MEF2C: variants seen among roughly 807,000 people sequenced by gnomAD.
MEF2C encodes the protein myocyte-specific enhancer factor 2C.
Under a neutral mutation model 50.5 loss-of-function variants are expected in MEF2C, and 6 were observed. The ratio of observed to expected loss-of-function variants is 0.12; its 90% CI spans 0.07 to 0.23. The LOEUF is 0.23. MEF2C is among the 10% of genes least tolerant of loss of function. MEF2C has a pLI of 1.00. For synonymous variants in MEF2C, 183 were observed against 228.0 expected (o/e 0.80, Z 1.78); for missense variants, 276 against 605.0 (o/e 0.46, Z 5.70).
At chr5:88,782,184 C>T in intron 3 of MEF2C, 1 of 981,774 alleles carries the variant, frequency 1.0e-6, no homozygotes, top group Non-Finnish European at 1.2e-6. Flanking sequence ...AATAAACCTC[C>T]TAGGCCAGGC....
intron 1 of MEF2C, among the ~76,000 whole-genome samples, chr5:88,845,310 C>A (rs1227319943): frequency 6.6e-6 from 1 of 152,144 alleles, no homozygotes; most frequent in African/African-American, 2.4e-5. Context: ...TAAATGGATC[C>A]ACATTATGGA....
At chr5:88,834,639 T>G (rs1035863110) in intron 1 of MEF2C, among the ~76,000 whole-genome samples, 1 of 152,136 alleles carries the variant, frequency 6.6e-6, no homozygotes, top group Non-Finnish European at 1.5e-5. Flanking sequence ...GGCTATCTAT[T>G]GGGCTGATTT....
chr5:88,815,306 A>G (rs2153166861), intron 2 of MEF2C, among the ~76,000 whole-genome samples: 1 of 152,106 alleles, frequency 6.6e-6, no homozygotes, highest in African/African-American at 2.4e-5. Context: ...TCCTTTCCAC[A>G]ATAGCCTAGG....
rs1358389779 is a variant in MEF2C at position 88,796,579 on chromosome 5, T to C, written c.258+8019A>G. ...CTATTTTGTTAATCTTTTCAAAAAA[T>C]CAGCTCCTAGATTCACTGATTTTTT... On this transcript the variant is annotated intron_variant, in intron 3 of 10. Transcript: ENST00000504921. Among the ~76,000 whole-genome samples the C allele has an allele frequency of 6.6e-5, 10 of 152,258 alleles. No homozygotes were observed. The East Asian group carries it at 1.9e-3, about 29-fold the overall frequency.
intron 1 of MEF2C, chr5:88,844,549 G>T: frequency 4.8e-6 from 2 of 418,338 alleles, no homozygotes; most frequent in Non-Finnish European, 6.4e-6. Context: ...GTTTCTGCTT[G>T]GTTTTTTGTT....
intron 1 of MEF2C, among the ~76,000 whole-genome samples, chr5:88,864,244 T>C (rs1181249391): frequency 6.6e-6 from 1 of 151,858 alleles, no homozygotes; most frequent in Non-Finnish European, 1.5e-5. Flanking sequence ...GTTATGTTAA[T>C]TAGCCTTATT....
At chr5:88,782,229 A>G in intron 3 of MEF2C, 1 of 873,534 alleles carries the variant, frequency 1.1e-6, no homozygotes, top group South Asian at 5.3e-5. Flanking sequence ...AGCACTTGAG[A>G]GGCTGAGGTG....
intron 3 of MEF2C, among the ~76,000 whole-genome samples, chr5:88,787,823 A>G (rs768282227): frequency 5.3e-5 from 8 of 152,200 alleles, no homozygotes; most frequent in Non-Finnish European, 8.8e-5. Flanking sequence ...AAAAGTTCAC[A>G]AGGGACCTAG....
At chr5:88,874,956 T>C (rs1018287065) in intron 1 of MEF2C, among the ~76,000 whole-genome samples, 1 of 151,988 alleles carries the variant, frequency 6.6e-6, no homozygotes, top group Non-Finnish European at 1.5e-5. Flanking sequence ...GTGCTGGCAA[T>C]AATCTGATTG....
intron 1 of MEF2C, among the ~76,000 whole-genome samples, chr5:88,876,832 T>C (rs1474623561): frequency 6.6e-6 from 1 of 151,960 alleles, no homozygotes; most frequent in African/African-American, 2.4e-5. Context: ...ATCCATAGTA[T>C]CTGAGAGCAA....
chr5:88,759,665 G>A (rs1008555527), intron 4 of MEF2C, among the ~76,000 whole-genome samples: 2 of 112,046 alleles, frequency 1.8e-5, no homozygotes, highest in East Asian at 3.0e-4. Flanking sequence ...ATGAATGTGT[G>A]CATATAATAG....
chr5:88,746,891 T>C (rs902140229), intron 6 of MEF2C, among the ~76,000 whole-genome samples: 2 of 152,206 alleles, frequency 1.3e-5, no homozygotes, highest in African/African-American at 4.8e-5. Flanking sequence ...CACAGCTATA[T>C]AGAAACTGTG....
chr5:88,724,764 T>C (rs978094200), intron 10 of MEF2C, among the ~76,000 whole-genome samples: 4 of 152,148 alleles, frequency 2.6e-5, no homozygotes, highest in Admixed American at 6.5e-5. Flanking sequence ...CAAAGTTACT[T>C]AGTGATTCAT....
rs57929414 is a variant in MEF2C at position 88,785,279 on chromosome 5, TACACACACACAC to T, written c.258+19307_258+19318del. On this transcript the variant is annotated intron_variant, in intron 3 of 10. Coordinates refer to ENST00000504921, the MANE Select transcript of MEF2C (RefSeq NM_002397.5). ...AAGCATTCCCATTGCAAAACTGGCA[TACACACACACAC>T]ACACACACACACACACACACACACA... The T allele has an allele frequency of 3.4e-3, 494 of 143,932 alleles. 3 individuals are homozygous for T. Among genetic ancestry groups the T allele is most frequent in the Middle Eastern group, 0.01 (3 of 288 alleles). 8.9% of individuals were successfully genotyped at this position (143,932 alleles called of 1,614,324 possible).
intron 1 of MEF2C, chr5:88,838,744 T>C: frequency 1.0e-6 from 1 of 984,112 alleles, no homozygotes; most frequent in Non-Finnish European, 1.2e-6. Context: ...TCCTTCTCGT[T>C]ATGCTCTTTC....
intron 3 of MEF2C, among the ~76,000 whole-genome samples, chr5:88,802,286 A>C (rs1211277915): frequency 6.6e-6 from 1 of 152,368 alleles, no homozygotes; most frequent in East Asian, 1.9e-4. Flanking sequence ...AGAGGTACCC[A>C]ACTCACCACA....
chr5:88,743,856 A>C, intron 6 of MEF2C: 1 of 973,398 alleles, frequency 1.0e-6, no homozygotes, highest in African/African-American at 1.7e-5. Flanking sequence ...AAAATAAGAA[A>C]ACAGATGTTA....
intron 2 of MEF2C, among the ~76,000 whole-genome samples, chr5:88,816,509 A>G (rs1163878780): frequency 2.1e-5 from 3 of 142,690 alleles, no homozygotes; most frequent in Non-Finnish European, 4.5e-5. Flanking sequence ...AACTCTTACA[A>G]GTATTATTTA....
intron 4 of MEF2C, among the ~76,000 whole-genome samples, chr5:88,755,346 G>A (rs538145615): frequency 6.6e-6 from 1 of 152,160 alleles, no homozygotes; most frequent in South Asian, 2.1e-4. Context: ...TTTCAAATTG[G>A]TAAGTTAAGT....
Sources: gnomAD v4.1 joint callset for allele counts (sites outside exome capture counted in the v4.1 genomes callset) on GRCh38, gnomAD v4.1.1 for gene constraint, MANE v1.5 for transcripts, NCBI Gene and HGNC (gene_info 2026-07-23, HGNC 2026-07-21) for gene names.